Variants in NYAP2 observed in about 807,000 individuals in gnomAD.
NYAP2 encodes neuronal tyrosine-phosphorylated phosphoinositide-3-kinase adapter 2.
Under a neutral mutation model 50.4 loss-of-function variants are expected in NYAP2, and 23 were observed. That is an observed-to-expected ratio of 0.46 (90% CI 0.33 to 0.65). The LOEUF (loss-of-function observed/expected upper bound fraction) is 0.65. NYAP2 is among the 30% of genes least tolerant of loss of function. NYAP2 has a pLI of 0.02. For synonymous variants in NYAP2, 394 were observed against 365.2 expected, an observed-to-expected ratio of 1.08 and a Z score of -0.90; for missense variants, 885 against 861.0, an observed-to-expected ratio of 1.03 and a Z score of -0.35.
chr2:225,402,289 G>T (rs1272463996), intron 2 of NYAP2, among the ~76,000 whole-genome samples: 1 of 151,944 alleles, frequency 6.6e-6, no homozygotes, highest in Non-Finnish European at 1.5e-5. Context: ...ACACAAGAAG[G>T]TTGGTTATTG....
chr2:225,459,675 G>A (rs1005812347), intron 3 of NYAP2, among the ~76,000 whole-genome samples: 2 of 150,580 alleles, frequency 1.3e-5, no homozygotes, highest in South Asian at 2.1e-4. Context: ...ATGGTGTCTC[G>A]CTCTGTCGCC....
chr2:225,667,207 T>C, the NYAP2 span, among the ~76,000 whole-genome samples: 5 of 152,160 alleles, frequency 3.3e-5, no homozygotes, highest in African/African-American at 4.8e-5. Context: ...ATGCTTGAGT[T>C]TGAAGATGGT....
At chr2:225,424,920 T>C (rs760552411) in intron 3 of NYAP2, among the ~76,000 whole-genome samples, 6 of 152,164 alleles carry the variant, frequency 3.9e-5, no homozygotes, top group Non-Finnish European at 8.8e-5. Context: ...GAAATCTGTG[T>C]AGTTCTATGA....
At chr2:225,684,394 CTT>C in the NYAP2 span, among the ~76,000 whole-genome samples, 1 of 149,548 alleles carries the variant, frequency 6.7e-6, no homozygotes, top group African/African-American at 2.5e-5. Flanking sequence ...TGCTATGTTT[CTT>C]TCTCTCTCTC....
chr2:225,484,926 C>A (rs1474168244), intron 3 of NYAP2, among the ~76,000 whole-genome samples: 7 of 152,190 alleles, frequency 4.6e-5, no homozygotes, highest in Non-Finnish European at 7.3e-5. Flanking sequence ...GAATCAGAAA[C>A]CCTAAGGGTG....
chr2:225,490,586 A>G (rs992469616), intron 3 of NYAP2, among the ~76,000 whole-genome samples: 4 of 152,186 alleles, frequency 2.6e-5, no homozygotes, highest in Non-Finnish European at 5.9e-5. Context: ...GATGAGGGAA[A>G]TGATAAGCAG....
At chr2:225,660,697 G>C in the NYAP2 span, among the ~76,000 whole-genome samples, 1 of 152,034 alleles carries the variant, frequency 6.6e-6, no homozygotes, top group African/African-American at 2.4e-5. Flanking sequence ...TTCAAAAATT[G>C]AATCAAACAA....
intron 4 of NYAP2, among the ~76,000 whole-genome samples, chr2:225,539,075 TA>T (rs1691409927): frequency 6.6e-6 from 1 of 152,100 alleles, no homozygotes; most frequent in Admixed American, 6.6e-5. Context: ...AATTCCCACT[TA>T]TGAGTGAGAA....
intron 5 of NYAP2, among the ~76,000 whole-genome samples, chr2:225,622,815 C>A (rs1202874600): frequency 6.6e-6 from 1 of 151,426 alleles, no homozygotes; most frequent in East Asian, 2.0e-4. Flanking sequence ...GATCTTCTGA[C>A]CTGAGGTGAT....
At chr2:225,559,217 C>T (rs1480653691) in intron 4 of NYAP2, among the ~76,000 whole-genome samples, 1 of 152,048 alleles carries the variant, frequency 6.6e-6, no homozygotes, top group Non-Finnish European at 1.5e-5. Context: ...TGATATTGTG[C>T]TTCTCTAATC....
chr2:225,662,547 C>T, the NYAP2 span, among the ~76,000 whole-genome samples: 1 of 152,246 alleles, frequency 6.6e-6, no homozygotes, highest in Non-Finnish European at 1.5e-5. Context: ...GAGGGGGGAA[C>T]CCCAACTGTA....
Position 225,404,606 on chromosome 2 carries a change from G to A in NYAP2, c.-18+3563G>A, listed in dbSNP as rs1694909858. Among the ~76,000 whole-genome samples the A allele has an allele frequency of 2.0e-5, 3 of 151,924 alleles. No individual in the cohort carries two copies. In the South Asian group the frequency reaches 6.2e-4, roughly 32 times the overall value. On this transcript the variant is annotated intron_variant, in intron 2 of 6. Transcript: ENST00000636099. ...AGTTTGATTTGGTGCAATTTAGCTG[G>A]GTGGAATGAAATTTCAAATTTTGGA...
At position 225,582,696 on chromosome 2, in the gene NYAP2, C is replaced by T; in HGVS notation, c.1279C>T (p.His427Tyr). ...TACGCTGTACCGAACCCAGTCTCCCCATGGCTACCCTAAAAGTCACTCCAC... is the reference window on the plus strand; with the variant it reads ...TACGCTGTACCGAACCCAGTCTCCCTATGGCTACCCTAAAAGTCACTCCAC... The change falls in exon 5 of 7, where the codon CAT becomes TAT. Residue 427 changes from histidine to tyrosine, a missense_variant. By Grantham distance (83) the His-to-Tyr change is moderately conservative (BLOSUM62 2). Transcript: ENST00000636099. The surrounding 1 kb of genome is among the most constrained non-coding windows in gnomAD (Gnocchi z 7.0). The T allele has an allele frequency of 6.2e-7, 1 of 1,606,228 alleles. No individual in the cohort carries two copies. Among genetic ancestry groups the T allele is most frequent in the Non-Finnish European group, 8.5e-7 (1 of 1,175,318 alleles).
intron 6 of NYAP2, among the ~76,000 whole-genome samples, chr2:225,634,577 C>G (rs1049094428): frequency 6.6e-6 from 1 of 152,174 alleles, no homozygotes; most frequent in Non-Finnish European, 1.5e-5. Flanking sequence ...AAAGCCATTT[C>G]TTACACACTG....
chr2:225,401,622 T>C (rs2106114449), intron 2 of NYAP2, among the ~76,000 whole-genome samples: 1 of 152,172 alleles, frequency 6.6e-6, no homozygotes, highest in East Asian at 1.9e-4. Context: ...CTCATCACAA[T>C]AAATATTTTC....
At chr2:225,434,781 ACAC>A (rs1689347746) in intron 3 of NYAP2, among the ~76,000 whole-genome samples, 1 of 152,198 alleles carries the variant, frequency 6.6e-6, no homozygotes, top group South Asian at 2.1e-4. Context: ...TAAGTGAATC[ACAC>A]CACCATTTTA....
intron 4 of NYAP2, among the ~76,000 whole-genome samples, chr2:225,578,899 T>G (rs1262075272): frequency 6.6e-6 from 1 of 152,074 alleles, no homozygotes; most frequent in African/African-American, 2.4e-5. Flanking sequence ...TTAGAGAAAT[T>G]TTCTCACAAT....
chr2:225,496,811 T>G (rs765639849), intron 3 of NYAP2, among the ~76,000 whole-genome samples: 6 of 152,192 alleles, frequency 3.9e-5, no homozygotes, highest in Non-Finnish European at 8.8e-5. Flanking sequence ...GGTGTATATC[T>G]TTATTGTACA....
At chr2:225,492,698 T>A (rs1196952001) in intron 3 of NYAP2, among the ~76,000 whole-genome samples, 1 of 152,084 alleles carries the variant, frequency 6.6e-6, no homozygotes, top group Admixed American at 6.5e-5. Flanking sequence ...TTACTCATGG[T>A]GGAAGGCAAG....
Sources: gnomAD v4.1 joint callset for allele counts (sites outside exome capture counted in the v4.1 genomes callset) on GRCh38, gnomAD v4.1.1 for gene constraint, Gnocchi (gnomAD v3.1) non-coding constraint, MANE v1.5 for transcripts, NCBI Gene and HGNC (gene_info 2026-07-23, HGNC 2026-07-21) for gene names.